TOMM70: variants seen among roughly 807,000 people sequenced by gnomAD.
TOMM70 encodes the protein translocase of outer mitochondrial membrane 70, also known as mitochondrial import receptor subunit TOM70.
Under a neutral mutation model 73.6 loss-of-function variants are expected in TOMM70, and 13 were observed. The observed-to-expected ratio is 0.18, with a 90% CI of 0.11 to 0.28. TOMM70 has a LOEUF of 0.28. Ranked by LOEUF, TOMM70 falls within the 10% of genes least tolerant of loss-of-function variation. The pLI, the probability that TOMM70 is intolerant of heterozygous loss-of-function variation, is 1.00. For missense variants in TOMM70, 609 were observed against 747.5 expected (o/e 0.81, Z 2.16); for synonymous variants, 257 against 271.2 (o/e 0.95, Z 0.51).
At chr3:100,370,076 C>G (rs1266939866) in intron 9 of TOMM70, among the ~76,000 whole-genome samples, 13 of 123,860 alleles carry the variant, frequency 1.0e-4, no homozygotes, top group Non-Finnish European at 4.5e-5. Flanking sequence ...TAAAATAAGC[C>G]AACTTAAATA....
chr3:100,377,579 T>C (rs1267807514), intron 6 of TOMM70, 126 bp downstream of exon 6: 4 of 786,414 alleles, frequency 5.1e-6, no homozygotes, highest in Non-Finnish European at 8.2e-6. Context: ...TTAAGAGTAG[T>C]TTCTTCAAAA....
chr3:100,366,576 T>A (rs905455232), intron 11 of TOMM70, among the ~76,000 whole-genome samples: 9 of 152,130 alleles, frequency 5.9e-5, no homozygotes, highest in Admixed American at 4.6e-4. Flanking sequence ...GGCTTATTTT[T>A]AAAAAAAACT....
intron 1 of TOMM70, among the ~76,000 whole-genome samples, chr3:100,398,856 T>G (rs1232504067): frequency 2.0e-5 from 3 of 152,210 alleles, no homozygotes; most frequent in African/African-American, 7.2e-5. Context: ...AGAAAATAGG[T>G]AATGCTTCAC....
At chr3:100,383,307 A>G (rs1447451840) in intron 4 of TOMM70, among the ~76,000 whole-genome samples, 1 of 152,108 alleles carries the variant, frequency 6.6e-6, no homozygotes, top group Non-Finnish European at 1.5e-5. Context: ...GGACGGCTTG[A>G]GCTCAGGAGT....
chr3:100,372,777 G>A, intron 8 of TOMM70, 55 bp from the exon 9 acceptor site: 2 of 1,388,270 alleles, frequency 1.4e-6, no homozygotes, highest in Non-Finnish European at 1.0e-6. Flanking sequence ...CTCATGGAAT[G>A]TTAACATAAA....
chr3:100,398,600 AACT>A (rs1576220568), intron 1 of TOMM70, among the ~76,000 whole-genome samples: 1 of 152,300 alleles, frequency 6.6e-6, no homozygotes, highest in East Asian at 1.9e-4. Flanking sequence ...TCCTCTTGAT[AACT>A]ACTTTTAATA....
chr3:100,400,029 G>C (rs1706873733), intron 1 of TOMM70, among the ~76,000 whole-genome samples: 1 of 152,182 alleles, frequency 6.6e-6, no homozygotes, highest in South Asian at 2.1e-4. Context: ...TTACAGTTCA[G>C]AGGCTGTAAA....
intron 4 of TOMM70, among the ~76,000 whole-genome samples, chr3:100,383,788 G>C (rs182094572): frequency 6.6e-6 from 1 of 152,284 alleles, no homozygotes; most frequent in Non-Finnish European, 1.5e-5. Flanking sequence ...TGAATCTCCA[G>C]TGATGTTTAG....
At chr3:100,377,434 A>G (rs1182318529) in intron 6 of TOMM70, 1 of 393,394 alleles carries the variant, frequency 2.5e-6, no homozygotes, top group East Asian at 5.2e-5. Context: ...AATACAGTCC[A>G]ATATGGTAGG....
intron 5 of TOMM70, among the ~76,000 whole-genome samples, chr3:100,380,554 A>G (rs2148891497): frequency 6.6e-6 from 1 of 152,324 alleles, no homozygotes; most frequent in Admixed American, 6.5e-5. Flanking sequence ...GTCCAATTCC[A>G]GTTAGTGTGC....
At chr3:100,395,966 C>G (rs556186060) in intron 1 of TOMM70, among the ~76,000 whole-genome samples, 2 of 150,528 alleles carry the variant, frequency 1.3e-5, no homozygotes, top group East Asian at 3.9e-4. Flanking sequence ...GATGAAATGA[C>G]CTCTGTATTG....
At chr3:100,375,209 T>C in intron 6 of TOMM70, 57 bp from the exon 7 acceptor site, 2 of 1,478,110 alleles carry the variant, frequency 1.4e-6, no homozygotes, top group South Asian at 2.8e-5. Flanking sequence ...TCCAATCTAG[T>C]TTCTTTAAAT....
rs765018381 is a variant in TOMM70, at chr3:100,368,038, A to C, written c.1673+6T>G. On this transcript the variant is annotated splice_donor_region_variant and intron_variant, in intron 11 of 11. Coordinates refer to ENST00000284320, the MANE Select transcript of TOMM70 (RefSeq NM_014820.5). The stretch of plus-strand genomic sequence containing the variant: ...CATATATTTCCTAACAGACTCCAGA[A>C]GTTACCTTTGTACTTCAATAGTTCC... The C allele has an allele frequency of 1.2e-6, 2 of 1,612,390 alleles. No individual in the cohort carries two copies. Among genetic ancestry groups the C allele is most frequent in the East Asian group, 2.2e-5 (1 of 44,820 alleles).
intron 8 of TOMM70, among the ~76,000 whole-genome samples, chr3:100,372,941 T>A (rs1269122295): frequency 1.3e-5 from 2 of 152,266 alleles, no homozygotes. Flanking sequence ...TTCAAGATGT[T>A]CAATACTGTA....
rs759834424 is a variant in TOMM70, at chr3:100,365,587, C to T, written c.1804G>A (p.Gly602Arg). 1.4e-5 allele frequency: 23 copies of T among 1,614,096 alleles called. No individual in the cohort carries two copies. Among genetic ancestry groups the T allele is most frequent in the Non-Finnish European group, 1.8e-5 (21 of 1,180,004 alleles). ...HAQTEVAKKY[G>R]LKPPTL Reference sequence around the variant, plus strand: ...TTTTATAATGTTGGTGGTTTTAATCCGTATTTCTTTGCAACTTCTGTCTGG... The same window carrying T: ...TTTTATAATGTTGGTGGTTTTAATCTGTATTTCTTTGCAACTTCTGTCTGG... The change falls in exon 12 of 12, where the codon GGA (glycine) becomes AGA (arginine). Residue 602 changes from glycine to arginine, a missense_variant. By Grantham distance (125) the Gly-to-Arg change is moderately radical (BLOSUM62 -2). This residue lies in a region of TOMM70 where 432 missense variants were observed against 584.1 expected (regional missense o/e 0.74). Coordinates refer to ENST00000284320, the MANE Select transcript of TOMM70 (RefSeq NM_014820.5).
At position 100,386,986 on chromosome 3, in the gene TOMM70, G is replaced by A. The variant is rs200968477; in HGVS notation, c.325-8C>T. Reference sequence around the variant, plus strand: ...GGCTCTATCAAGAGAGTTCTGAAATGAGAGGAAACAATTATCAAACACTAA... The same window carrying A: ...GGCTCTATCAAGAGAGTTCTGAAATAAGAGGAAACAATTATCAAACACTAA... On this transcript the variant is annotated splice_polypyrimidine_tract_variant and splice_region_variant and intron_variant, in intron 1 of 11. Transcript: ENST00000284320. 108 of 1,611,164 alleles carry A rather than the reference G, an allele frequency of 6.7e-5. No homozygotes were observed. The East Asian group carries it at 2.2e-3, about 33-fold the overall frequency.
intron 1 of TOMM70, among the ~76,000 whole-genome samples, chr3:100,396,664 T>A (rs1331068486): frequency 1.3e-5 from 2 of 152,296 alleles, no homozygotes; most frequent in African/African-American, 2.4e-5. Context: ...AATTTTTTTT[T>A]AATTCTTCAA....
At position 100,381,701 on chromosome 3, in the gene TOMM70, AT is replaced by A; in HGVS notation, c.797del (p.Asp266ValfsTer25). 1 of 1,612,912 alleles carries A rather than the reference AT, an allele frequency of 6.2e-7. No individual in the cohort carries two copies. Among genetic ancestry groups the A allele is most frequent in the Non-Finnish European group, 8.5e-7 (1 of 1,179,344 alleles). ...TAAGCATGGGCTGGGAAATGATATC[AT>A]CCGTGAAAGAACTGAAGTAAGATTT... ...FIKSYFSSFT[D>X]DIISQPMLKG... On this transcript the variant is annotated frameshift_variant, in exon 5 of 12. Transcript: ENST00000284320. LOFTEE classifies it high-confidence loss of function.
intron 10 of TOMM70, among the ~76,000 whole-genome samples, chr3:100,368,415 C>G (rs1295151056): frequency 5.3e-5 from 8 of 152,074 alleles, no homozygotes; most frequent in Non-Finnish European, 1.0e-4. Context: ...CCTTATTTTT[C>G]ACTTTATATA....
Sources: gnomAD v4.1 joint callset for allele counts (sites outside exome capture counted in the v4.1 genomes callset) on GRCh38, gnomAD v4.1.1 for gene constraint, gnomAD v4.1.1 regional missense constraint, MANE v1.5 for transcripts, NCBI Gene and HGNC (gene_info 2026-07-23, HGNC 2026-07-21) for gene names.